Variants in ELOVL2 observed in about 807,000 individuals in gnomAD.
ELOVL2 encodes very long chain fatty acid elongase 2.
In ELOVL2, 38 loss-of-function variants were observed where a neutral mutation model predicts 37.7. The observed-to-expected ratio is 1.01, with a 90% CI of 0.78 to 1.32. The LOEUF (loss-of-function observed/expected upper bound fraction) is 1.32, where lower values mean the gene tolerates loss of function less well. Among genes scored for constraint, ELOVL2 ranks in the 40% most tolerant of loss-of-function variants. ELOVL2 has a pLI of 0.00. For missense variants in ELOVL2, 352 were observed against 363.6 expected (o/e 0.97, Z 0.26); for synonymous variants, 115 against 122.3 (o/e 0.94, Z 0.40).
rs1782235853 is a variant in ELOVL2, at chr6:10,994,892, C to T, written c.505+115G>A. 8.6e-6 allele frequency: 7 copies of T among 811,062 alleles called. 1 individual carries two copies. The highest frequency in any genetic ancestry group is 5.4e-5 in the South Asian group (2 of 36,908). The allele number at this position is 811,062 out of a possible 1,614,324, so 50.2% of individuals were successfully genotyped here. On this transcript the variant is annotated intron_variant, in intron 5 of 7. Transcript: ENST00000354666. ...GGGCATCCTGCTGCGGCAAGGCCGG[C>T]GCTCTAGGCCTCCCTTCATGCTCTC...
chr6:11,036,140 AG>A (rs2113565414), intron 1 of ELOVL2, among the ~76,000 whole-genome samples: 1 of 152,374 alleles, frequency 6.6e-6, no homozygotes, highest in East Asian at 1.9e-4. Flanking sequence ...GTGTTACGAA[AG>A]GTATTAAAAT....
At chr6:11,007,117 A>G (rs1348485164) in intron 2 of ELOVL2, among the ~76,000 whole-genome samples, 1 of 152,214 alleles carries the variant, frequency 6.6e-6, no homozygotes, top group Admixed American at 6.5e-5. Flanking sequence ...TGATAATATC[A>G]TCCCAGTTTA....
At chr6:10,994,768 T>C (rs1198259643) in intron 5 of ELOVL2, among the ~76,000 whole-genome samples, 1 of 152,134 alleles carries the variant, frequency 6.6e-6, no homozygotes, top group Non-Finnish European at 1.5e-5. Flanking sequence ...ATGGGACATA[T>C]GATGTGTGGA....
At position 11,044,191 on chromosome 6, in the gene ELOVL2, C is replaced by T. The variant is rs1222363189; in HGVS notation, c.3+37G>A. ...GCGTGGGTCCAGGAGAGAAAGAAAGCGCGGCGGTGTCGGTGGCGGCGCGCG... is the reference window on the plus strand; with the variant it reads ...GCGTGGGTCCAGGAGAGAAAGAAAGTGCGGCGGTGTCGGTGGCGGCGCGCG... On this transcript the variant is annotated intron_variant, in intron 1 of 7. Transcript: ENST00000354666. The surrounding 1 kb of genome is among the most constrained non-coding windows in gnomAD (Gnocchi z 5.6). 1.4e-6 allele frequency: 2 copies of T among 1,452,662 alleles called. No individual in the cohort carries two copies. Among genetic ancestry groups the T allele is most frequent in the Admixed American group, 2.6e-5 (1 of 38,954 alleles). The allele number at this position is 1,452,662 out of a possible 1,614,324, so 90.0% of individuals were successfully genotyped here.
At chr6:10,990,582 A>C in intron 5 of ELOVL2, 140 bp from the exon 6 acceptor site, 1 of 758,714 alleles carries the variant, frequency 1.3e-6, no homozygotes, top group Non-Finnish European at 1.9e-6. Flanking sequence ...ATCCACACTA[A>C]TAAATTCCCC....
chr6:10,988,635 T>C (rs1276754832), intron 7 of ELOVL2, among the ~76,000 whole-genome samples: 1 of 152,238 alleles, frequency 6.6e-6, no homozygotes, highest in Non-Finnish European at 1.5e-5. Flanking sequence ...AGTAAAGCAC[T>C]TCTTATTAGT....
chr6:10,996,178 TATC>T (rs1245244969), intron 4 of ELOVL2, among the ~76,000 whole-genome samples: 2 of 152,328 alleles, frequency 1.3e-5, no homozygotes, highest in Admixed American at 6.5e-5. Context: ...GAAATTAAAA[TATC>T]ATGCTCTACT....
At chr6:10,985,600 A>T (rs987847095) in intron 7 of ELOVL2, among the ~76,000 whole-genome samples, 1 of 151,942 alleles carries the variant, frequency 6.6e-6, no homozygotes, top group African/African-American at 2.4e-5. Context: ...TTTATTAAAT[A>T]GGGAATCCTT....
At chr6:10,993,564 C>G (rs1782204031) in intron 5 of ELOVL2, among the ~76,000 whole-genome samples, 1 of 152,178 alleles carries the variant, frequency 6.6e-6, no homozygotes, top group Non-Finnish European at 1.5e-5. Flanking sequence ...AAAATGAAAT[C>G]ACTCATTTAA....
At chr6:11,006,363 A>G (rs1782483405) in intron 2 of ELOVL2, among the ~76,000 whole-genome samples, 1 of 152,218 alleles carries the variant, frequency 6.6e-6, no homozygotes, top group Non-Finnish European at 1.5e-5. Flanking sequence ...CACATGATAG[A>G]GCTACAATAT....
intron 1 of ELOVL2, among the ~76,000 whole-genome samples, chr6:11,032,115 T>C (rs1388554675): frequency 6.6e-6 from 1 of 152,194 alleles, no homozygotes; most frequent in Non-Finnish European, 1.5e-5. Flanking sequence ...GCTACAGACA[T>C]GTAGAGAAGT....
At position 10,981,566 on chromosome 6, in the gene ELOVL2, A is replaced by G. The variant is rs1781935223; in HGVS notation, c.*2215T>C. 1 of 152,628 alleles carries G rather than the reference A, an allele frequency of 6.6e-6. No homozygotes were observed. The highest frequency in any genetic ancestry group is 1.5e-5 in the Non-Finnish European group (1 of 68,040). The allele number at this position is 152,628 out of a possible 1,614,324, so 9.5% of individuals were successfully genotyped here. A position where few individuals can be genotyped will look rare whatever the true frequency, so the allele number is the denominator to read the frequency against. On this transcript the variant is annotated 3_prime_UTR_variant, in exon 8 of 8. Transcript: ENST00000354666. ...TGGCATTAGTTTGAAAGTATAAGCT[A>G]CCCACATTTTTCACTTTCATCAGAG...
At chr6:10,994,483 A>AAAAAAG (rs1554111121) in intron 5 of ELOVL2, among the ~76,000 whole-genome samples, 2 of 146,090 alleles carry the variant, frequency 1.4e-5, no homozygotes, top group Admixed American at 6.8e-5. Flanking sequence ...AAAAAAAAAA[A>AAAAAAG]GAACAAATAT....
At chr6:11,008,640 G>C (rs932451175) in intron 2 of ELOVL2, among the ~76,000 whole-genome samples, 11 of 152,100 alleles carry the variant, frequency 7.2e-5, no homozygotes, top group African/African-American at 2.7e-4. Context: ...ACACTGAGCT[G>C]TTCTCCTTTC....
chr6:10,990,287 T>A (rs371668715), intron 6 of ELOVL2, 31 bp downstream of exon 6: 27 of 1,604,678 alleles, frequency 1.7e-5, no homozygotes, highest in Non-Finnish European at 2.0e-5. Flanking sequence ...ATAAGCCACA[T>A]GGAGAAAAGC....
intron 7 of ELOVL2, among the ~76,000 whole-genome samples, chr6:10,985,319 C>T (rs4318875): frequency 0.21 from 31,984 of 151,526 alleles, 4,610 homozygotes; most frequent in East Asian, 0.64. Context: ...GTTGCCTGTT[C>T]ACTCTGATGG....
chr6:11,044,141 C>T lies in ELOVL2; in HGVS notation c.3+87G>A. On this transcript the variant is annotated intron_variant, in intron 1 of 7. Transcript: ENST00000354666. The surrounding 1 kb of genome is among the most constrained non-coding windows in gnomAD (Gnocchi z 5.6). ...CGAACCCGCAGCGCCCGCGCCGGCGCCCGCTCGGCCCTTTCCCGCCCGGTG... is the reference window on the plus strand; with the variant it reads ...CGAACCCGCAGCGCCCGCGCCGGCGTCCGCTCGGCCCTTTCCCGCCCGGTG... The T allele has an allele frequency of 2.9e-6, 4 of 1,366,764 alleles. No homozygotes were observed. Among genetic ancestry groups the T allele is most frequent in the South Asian group, 1.6e-5 (1 of 62,796 alleles). 84.7% of individuals were successfully genotyped at this position (1,366,764 alleles called of 1,614,324 possible).
intron 1 of ELOVL2, among the ~76,000 whole-genome samples, chr6:11,021,925 T>C (rs1477673597): frequency 6.6e-6 from 1 of 152,086 alleles, no homozygotes; most frequent in Non-Finnish European, 1.5e-5. Context: ...AGGAGGTGCG[T>C]TGGTGGAGTG....
intron 3 of ELOVL2, among the ~76,000 whole-genome samples, chr6:11,001,298 T>C (rs922864586): frequency 2.0e-5 from 3 of 152,214 alleles, no homozygotes; most frequent in Non-Finnish European, 1.5e-5. Flanking sequence ...TTAAAGATTA[T>C]CAATATAAAT....
Sources: gnomAD v4.1 joint callset for allele counts (sites outside exome capture counted in the v4.1 genomes callset) on GRCh38, gnomAD v4.1.1 for gene constraint, Gnocchi (gnomAD v3.1) non-coding constraint, MANE v1.5 for transcripts, NCBI Gene and HGNC (gene_info 2026-07-23, HGNC 2026-07-21) for gene names.